NWD2: variants seen among roughly 807,000 people sequenced by gnomAD.
NWD2 encodes NACHT and WD repeat domain-containing protein 2.
A neutral mutation model predicts 132.7 loss-of-function variants in NWD2; 37 were observed. The observed-to-expected ratio is 0.28, with a 90% CI of 0.21 to 0.37. The LOEUF (loss-of-function observed/expected upper bound fraction) is 0.37, where lower values mean the gene tolerates loss of function less well. Ranked by LOEUF, NWD2 falls within the 10% of genes least tolerant of loss-of-function variation. NWD2 has a pLI of 1.00. For missense variants in NWD2, 1,592 were observed against 2,122.4 expected, an observed-to-expected ratio of 0.75 and a Z score of 4.91; for synonymous variants, 705 against 803.0, an observed-to-expected ratio of 0.88 and a Z score of 2.06.
At chr4:37,343,505 A>G (rs185823419) in intron 2 of NWD2, among the ~76,000 whole-genome samples, 1 of 152,236 alleles carries the variant, frequency 6.6e-6, no homozygotes, top group Non-Finnish European at 1.5e-5. Flanking sequence ...ACAAAATTCA[A>G]GTACAAAGCG....
chr4:37,306,883 G>T (rs757794772), intron 1 of NWD2, among the ~76,000 whole-genome samples: 63 of 152,188 alleles, frequency 4.1e-4, no homozygotes, highest in Non-Finnish European at 7.1e-4. Flanking sequence ...AATTAGCCAG[G>T]CGTGGTGGCA....
intron 1 of NWD2, among the ~76,000 whole-genome samples, chr4:37,310,962 C>T (rs13122666): frequency 0.26 from 38,712 of 151,580 alleles, 5,356 homozygotes; most frequent in Middle Eastern, 0.4. Flanking sequence ...AGGACATGAA[C>T]TCATCATTTT....
chr4:37,348,986 T>A (rs1387847243), intron 2 of NWD2, among the ~76,000 whole-genome samples: 1 of 151,958 alleles, frequency 6.6e-6, no homozygotes, highest in African/African-American at 2.4e-5. Flanking sequence ...TCCAGCTTCA[T>A]CCATGTCCCT....
intron 2 of NWD2, among the ~76,000 whole-genome samples, chr4:37,342,041 G>C (rs921418525): frequency 6.6e-6 from 1 of 152,056 alleles, no homozygotes; most frequent in African/African-American, 2.4e-5. Context: ...ACCAACTCTG[G>C]GTTTTTCACT....
chr4:37,449,103 G>A lies in NWD2; in HGVS notation c.*1886G>A. The A allele has an allele frequency of 6.6e-6, 1 of 152,120 alleles. No homozygotes were observed. The highest frequency in any genetic ancestry group is 1.9e-4 in the East Asian group (1 of 5,186). 9.4% of individuals were successfully genotyped at this position (152,120 alleles called of 1,614,324 possible). A position where few individuals can be genotyped will look rare whatever the true frequency, so the allele number is the denominator to read the frequency against. ...TGAGTCTATGCTTTTGAGCTCTTTA[G>A]GCAACACATTCTCATTCCTGTCATT... On this transcript the variant is annotated 3_prime_UTR_variant, in exon 7 of 7. Transcript: ENST00000309447.
chr4:37,338,417 G>A (rs1192493246), intron 2 of NWD2, among the ~76,000 whole-genome samples: 2 of 152,114 alleles, frequency 1.3e-5, no homozygotes, highest in African/African-American at 2.4e-5. Flanking sequence ...TGAGAGGCTC[G>A]GCATCTTGAT....
intron 3 of NWD2, among the ~76,000 whole-genome samples, chr4:37,425,874 C>T (rs1386313612): frequency 6.6e-6 from 1 of 152,164 alleles, no homozygotes; most frequent in Non-Finnish European, 1.5e-5. Context: ...TAAAGTCATT[C>T]ATGGATACTC....
At position 37,443,408 on chromosome 4, in the gene NWD2, T is replaced by C. The variant is rs1712538063; in HGVS notation, c.1420T>C (p.Leu474=). 3 of 1,552,180 alleles carry C rather than the reference T, an allele frequency of 1.9e-6. No individual in the cohort carries two copies. The highest frequency in any genetic ancestry group is 1.7e-6 in the Non-Finnish European group (2 of 1,147,108). The change falls in exon 7 of 7, where the codon TTG becomes CTG. Residue 474 remains leucine (L), a synonymous_variant. Coordinates refer to ENST00000309447, the MANE Select transcript of NWD2 (RefSeq NM_001144990.2). This position sits in a 1 kb window ranked among gnomAD's most constrained non-coding sequence, Gnocchi z 4.1. ...TCTCCTTCTAAGTGTTTGTGAACAATTGGCAGTTAACTACCGGTGTCTGGT... is the reference window on the plus strand; with the variant it reads ...TCTCCTTCTAAGTGTTTGTGAACAACTGGCAGTTAACTACCGGTGTCTGGT... ...RTLLLSVCEQ[L]AVNYRCLVQS...
chr4:37,359,397 A>C (rs1041589820), intron 3 of NWD2, among the ~76,000 whole-genome samples: 20 of 152,102 alleles, frequency 1.3e-4, no homozygotes, highest in Non-Finnish European at 7.4e-5. Flanking sequence ...AAGAAAAAAA[A>C]AGTACTCCTC....
intron 3 of NWD2, among the ~76,000 whole-genome samples, chr4:37,397,305 C>CA (rs768470789): frequency 4.6e-5 from 7 of 152,074 alleles, no homozygotes; most frequent in Non-Finnish European, 7.3e-5. Flanking sequence ...TTCACCGGGC[C>CA]AGAGTACCCA....
intron 1 of NWD2, among the ~76,000 whole-genome samples, chr4:37,278,428 C>T (rs961011025): frequency 3.2e-4 from 49 of 152,272 alleles, no homozygotes; most frequent in African/African-American, 1.0e-3. Context: ...CCTTTATTTA[C>T]GCAGATAAAA....
At chr4:37,432,590 G>A (rs190258159) in intron 4 of NWD2, among the ~76,000 whole-genome samples, 58 of 152,074 alleles carry the variant, frequency 3.8e-4, no homozygotes, top group Non-Finnish European at 1.2e-4. Context: ...TTTTTATTTT[G>A]TGAAAGGTTC....
intron 3 of NWD2, among the ~76,000 whole-genome samples, chr4:37,366,530 C>A (rs1039595777): frequency 6.6e-6 from 1 of 152,120 alleles, no homozygotes; most frequent in Non-Finnish European, 1.5e-5. Flanking sequence ...GATAACACAA[C>A]TATTTTATTC....
chr4:37,272,681 A>C (rs1371784495), intron 1 of NWD2, among the ~76,000 whole-genome samples: 1 of 151,782 alleles, frequency 6.6e-6, no homozygotes, highest in Non-Finnish European at 1.5e-5. Flanking sequence ...TTTTCAAATG[A>C]TATAAATATT....
intron 2 of NWD2, among the ~76,000 whole-genome samples, chr4:37,326,257 T>G (rs1364418890): frequency 6.6e-6 from 1 of 152,196 alleles, no homozygotes; most frequent in African/African-American, 2.4e-5. Context: ...GGCTCATCTT[T>G]TTCTTTGAAC....
At chr4:37,333,339 A>C (rs1291885136) in intron 2 of NWD2, among the ~76,000 whole-genome samples, 1 of 152,220 alleles carries the variant, frequency 6.6e-6, no homozygotes, top group Non-Finnish European at 1.5e-5. Flanking sequence ...AGTGGTGGTC[A>C]TAAGGATGCT....
chr4:37,340,051 A>G (rs1265418960), intron 2 of NWD2, among the ~76,000 whole-genome samples: 1 of 152,000 alleles, frequency 6.6e-6, no homozygotes, highest in African/African-American at 2.4e-5. Context: ...TCTTCATATA[A>G]TAAAAAGAGC....
At chr4:37,251,659 G>C (rs1717362625) in intron 1 of NWD2, among the ~76,000 whole-genome samples, 1 of 152,216 alleles carries the variant, frequency 6.6e-6, no homozygotes, top group Non-Finnish European at 1.5e-5. Flanking sequence ...TTGTTCTCCA[G>C]ATCTTATGCA....
At chr4:37,325,529 G>A (rs6814068) in intron 1 of NWD2, among the ~76,000 whole-genome samples, 5,198 of 152,234 alleles carry the variant, frequency 0.034, 302 homozygotes, top group African/African-American at 0.12. Context: ...ATTTATCAAC[G>A]TGTGTGTATG....
Sources: gnomAD v4.1 joint callset for allele counts (sites outside exome capture counted in the v4.1 genomes callset) on GRCh38, gnomAD v4.1.1 for gene constraint, Gnocchi (gnomAD v3.1) non-coding constraint, MANE v1.5 for transcripts, NCBI Gene and HGNC (gene_info 2026-07-23, HGNC 2026-07-21) for gene names.